TPST1: variants seen among roughly 807,000 people sequenced by gnomAD.
The protein encoded by TPST1 is protein-tyrosine sulfotransferase 1.
TPST1 carries 20 observed loss-of-function variants against 34.8 expected under a neutral mutation model. The observed-to-expected ratio is 0.57, with a 90% CI of 0.40 to 0.84. TPST1 has a LOEUF of 0.84. TPST1 is among the 40% of genes least tolerant of loss of function. TPST1 has a pLI of 0.00. For synonymous variants in TPST1, 152 were observed against 159.4 expected (o/e 0.95, Z 0.35); for missense variants, 353 against 455.5 (o/e 0.78, Z 2.05).
chr7:66,343,064 A>G (rs560901389), intron 3 of TPST1, among the ~76,000 whole-genome samples: 21 of 152,294 alleles, frequency 1.4e-4, no homozygotes, highest in South Asian at 8.3e-4. Flanking sequence ...TAAAAGACTG[A>G]GAACTAATTA....
At chr7:66,292,934 C>T (rs571630842) in intron 3 of TPST1, among the ~76,000 whole-genome samples, 5 of 152,324 alleles carry the variant, frequency 3.3e-5, no homozygotes, top group African/African-American at 1.2e-4. Flanking sequence ...TGGCCTGGCA[C>T]GCTGGCTCAT....
At chr7:66,295,416 G>T (rs566388265) in intron 3 of TPST1, among the ~76,000 whole-genome samples, 30 of 152,240 alleles carry the variant, frequency 2.0e-4, no homozygotes, top group Admixed American at 3.9e-4. Flanking sequence ...GATTGCTTGA[G>T]CCCAGAATTT....
intron 3 of TPST1, among the ~76,000 whole-genome samples, chr7:66,314,351 A>G (rs1791592108): frequency 6.6e-6 from 1 of 152,144 alleles, no homozygotes; most frequent in African/African-American, 2.4e-5. Context: ...CCTGGGCAAC[A>G]TAGGGAGACC....
chr7:66,277,039 T>G (rs562316664), intron 2 of TPST1, among the ~76,000 whole-genome samples: 5 of 152,348 alleles, frequency 3.3e-5, no homozygotes, highest in African/African-American at 1.2e-4. Context: ...GCTTGCTTTC[T>G]GAGACTTCCT....
chr7:66,329,559 T>C (rs1026567716), intron 3 of TPST1, among the ~76,000 whole-genome samples: 2 of 152,208 alleles, frequency 1.3e-5, no homozygotes, highest in African/African-American at 4.8e-5. Context: ...GGTTTTTGTT[T>C]GTGAGGGCTA....
Position 66,246,179 on chromosome 7 carries a change from A to ATTT in TPST1, c.845+4936_845+4938dup, listed in dbSNP as rs35051150. On this transcript the variant is annotated intron_variant, in intron 2 of 5. Coordinates refer to ENST00000304842, the MANE Select transcript of TPST1 (RefSeq NM_003596.4). The stretch of plus-strand genomic sequence containing the variant: ...AGGTGCATGCCATCATGCCTGGCTA[A>ATTT]TTTTTTTTTTTTTTTTTTTTTTTTT... Among the ~76,000 whole-genome samples the ATTT allele has an allele frequency of 7.3e-3, 672 of 92,350 alleles. 46 individuals carry two copies. Among genetic ancestry groups the ATTT allele is most frequent in the Non-Finnish European group, 0.01 (503 of 49,480 alleles). 60.6% of individuals were successfully genotyped at this position (92,350 alleles called of 152,430 possible).
intron 3 of TPST1, among the ~76,000 whole-genome samples, chr7:66,292,892 A>T (rs889497921): frequency 3.3e-5 from 5 of 151,996 alleles, no homozygotes; most frequent in Non-Finnish European, 7.4e-5. Context: ...TCCCCCAGAA[A>T]AATATTTTGA....
chr7:66,245,566 T>A (rs984503660), intron 2 of TPST1, among the ~76,000 whole-genome samples: 3 of 152,220 alleles, frequency 2.0e-5, no homozygotes, highest in Non-Finnish European at 2.9e-5. Context: ...CTGGATTTTA[T>A]AAAGAAGTGC....
At chr7:66,283,947 A>C (rs549732622) in intron 2 of TPST1, among the ~76,000 whole-genome samples, 1 of 152,356 alleles carries the variant, frequency 6.6e-6, no homozygotes, top group East Asian at 1.9e-4. Context: ...GGTATTTAAG[A>C]AGTGACTGTT....
intron 2 of TPST1, among the ~76,000 whole-genome samples, chr7:66,269,827 G>A (rs1790669504): frequency 6.6e-6 from 1 of 152,156 alleles, no homozygotes; most frequent in Non-Finnish European, 1.5e-5. Context: ...AGGACTCATT[G>A]GTAAGGTGAT....
chr7:66,209,382 A>T (rs1430266577), intron 1 of TPST1, among the ~76,000 whole-genome samples: 1 of 152,248 alleles, frequency 6.6e-6, no homozygotes, highest in Non-Finnish European at 1.5e-5. Flanking sequence ...GGAGCCGCTC[A>T]TGAATGACCT....
chr7:66,210,564 A>G (rs1370171367), intron 1 of TPST1, among the ~76,000 whole-genome samples: 1 of 152,176 alleles, frequency 6.6e-6, no homozygotes. Context: ...TACTTTAAAG[A>G]TGCTTCCCAT....
chr7:66,296,256 C>T (rs1210419804), intron 3 of TPST1, among the ~76,000 whole-genome samples: 1 of 41,448 alleles, frequency 2.4e-5, no homozygotes, highest in Non-Finnish European at 4.6e-5. Flanking sequence ...TTCCCCCCCC[C>T]CTCCCCCACC....
At chr7:66,219,685 G>A (rs1429656232) in intron 1 of TPST1, among the ~76,000 whole-genome samples, 1 of 152,196 alleles carries the variant, frequency 6.6e-6, no homozygotes, top group Non-Finnish European at 1.5e-5. Flanking sequence ...AATAATAGCA[G>A]ATGGTCTTAA....
intron 1 of TPST1, among the ~76,000 whole-genome samples, chr7:66,219,496 G>A (rs1477168609): frequency 6.6e-6 from 1 of 152,160 alleles, no homozygotes; most frequent in Non-Finnish European, 1.5e-5. Flanking sequence ...CTTGCAGAAA[G>A]TGTGCAAATA....
At chr7:66,209,262 T>A (rs535648015) in intron 1 of TPST1, among the ~76,000 whole-genome samples, 2 of 151,934 alleles carry the variant, frequency 1.3e-5, no homozygotes, top group East Asian at 3.9e-4. Flanking sequence ...CATCTCAAAA[T>A]TAAAGAAAAA....
chr7:66,209,149 T>A (rs1789193668), intron 1 of TPST1, among the ~76,000 whole-genome samples: 2 of 152,056 alleles, frequency 1.3e-5, no homozygotes, highest in Admixed American at 1.3e-4. Context: ...GGTGGGCGCC[T>A]GTAATCCCAG....
At chr7:66,222,003 G>T (rs1357748382) in intron 1 of TPST1, among the ~76,000 whole-genome samples, 1 of 151,868 alleles carries the variant, frequency 6.6e-6, no homozygotes, top group Non-Finnish European at 1.5e-5. Context: ...ATGTTTATTT[G>T]TTGACTATTT....
At chr7:66,250,175 G>A (rs1295916625) in intron 2 of TPST1, among the ~76,000 whole-genome samples, 1 of 152,102 alleles carries the variant, frequency 6.6e-6, no homozygotes, top group Non-Finnish European at 1.5e-5. Context: ...AGCTCTCTGT[G>A]TGCCTTATCT....
Sources: allele counts gnomAD v4.1 joint callset (sites outside exome capture counted in the v4.1 genomes callset), GRCh38; gene constraint gnomAD v4.1.1; transcripts MANE v1.5; gene names NCBI Gene and HGNC (gene_info 2026-07-23, HGNC 2026-07-21).